Variants in UBAP2L observed in about 807,000 individuals in gnomAD.
UBAP2L encodes the protein ubiquitin-associated protein 2-like.
A neutral mutation model predicts 130.6 loss-of-function variants in UBAP2L; 12 were observed. The ratio of observed to expected loss-of-function variants is 0.09; its 90% CI spans 0.06 to 0.15. UBAP2L has a LOEUF of 0.15. UBAP2L is among the 10% of genes least tolerant of loss of function. The pLI, the probability that UBAP2L is intolerant of heterozygous loss-of-function variation, is 1.00. For missense variants in UBAP2L, 965 were observed against 1,332.5 expected (o/e 0.72, Z 4.29); for synonymous variants, 503 against 524.7 (o/e 0.96, Z 0.57).
At chr1:154,220,173 G>T (rs1418713284), upstream of UBAP2L, 1 of 871,186 alleles carries the variant, frequency 1.1e-6, no homozygotes, top group African/African-American at 1.7e-5. Context: ...AACGAGGGCG[G>T]GTCGGCCCGA....
At chr1:154,270,927 T>C, downstream of UBAP2L, 1 of 1,550,534 alleles carries the variant, frequency 6.4e-7, no homozygotes, top group Non-Finnish European at 8.7e-7. Context: ...TAAGTATTAC[T>C]GTACCAACTG....
chr1:154,255,995 C>T (rs1679507945), intron 18 of UBAP2L, among the ~76,000 whole-genome samples: 1 of 152,118 alleles, frequency 6.6e-6, no homozygotes, highest in African/African-American at 2.4e-5. Context: ...TTTTTTTCCC[C>T]TACTGAATAT....
intron 22 of UBAP2L, among the ~76,000 whole-genome samples, chr1:154,260,278 TG>T (rs1681094441): frequency 6.6e-6 from 1 of 152,158 alleles, no homozygotes. Context: ...GAGGCCAAGG[TG>T]GGAGAATTGC....
intron 19 of UBAP2L, 30 bp from the exon 20 acceptor site, chr1:154,257,316 G>C (rs1433792096): frequency 3.1e-6 from 5 of 1,614,206 alleles, no homozygotes. Context: ...GTAATTGTGT[G>C]ATGGGATAAA....
At chr1:154,264,637 T>C (rs1010535845) in intron 24 of UBAP2L, among the ~76,000 whole-genome samples, 5 of 152,224 alleles carry the variant, frequency 3.3e-5, no homozygotes, top group Admixed American at 1.3e-4. Context: ...AGGGGCACAC[T>C]GGAGCTGAAT....
At chr1:154,271,002 C>T (rs1157825683), downstream of UBAP2L, 4 of 1,492,512 alleles carry the variant, frequency 2.7e-6, no homozygotes, top group African/African-American at 2.8e-5. Context: ...TTAAGAACTC[C>T]TGACCTTAAT....
Position 154,243,321 on chromosome 1 carries a change from T to C in UBAP2L, c.842+19T>C. 1 of 1,607,686 alleles carries C rather than the reference T, an allele frequency of 6.2e-7. No individual in the cohort carries two copies. Among genetic ancestry groups the C allele is most frequent in the Middle Eastern group, 1.7e-4 (1 of 6,020 alleles). ...GTCAGAGGCAAGTGTGCAGTAAAAT[T>C]TAGTACCATTTCTTAAACACATCTG... On this transcript the variant is annotated intron_variant, in intron 10 of 26. Transcript: ENST00000428931.
At chr1:154,259,509 T>A (rs1042873080) in intron 21 of UBAP2L, among the ~76,000 whole-genome samples, 3 of 152,164 alleles carry the variant, frequency 2.0e-5, no homozygotes, top group Admixed American at 1.3e-4. Flanking sequence ...TTTCTTTTTT[T>A]AAATCAGAGT....
chr1:154,247,726 C>T (rs1675982977), intron 11 of UBAP2L, among the ~76,000 whole-genome samples: 1 of 149,980 alleles, frequency 6.7e-6, no homozygotes, highest in Non-Finnish European at 1.5e-5. Flanking sequence ...GAAACCCTTT[C>T]TCTAAAAAAA....
chr1:154,248,601 G>A (rs996136901), intron 11 of UBAP2L, among the ~76,000 whole-genome samples: 4 of 152,152 alleles, frequency 2.6e-5, no homozygotes, highest in African/African-American at 9.7e-5. Flanking sequence ...TGGATCACGA[G>A]GTCAGGAGAT....
Position 154,248,617 on chromosome 1 carries a change from C to T in UBAP2L, c.1015-622C>T, listed in dbSNP as rs7524346. 2.0e-5 allele frequency among the ~76,000 whole-genome samples: 3 copies of T among 151,936 alleles called. No individual in the cohort carries two copies. The East Asian group carries it at 5.8e-4, about 30-fold the overall frequency. On this transcript the variant is annotated intron_variant, in intron 11 of 26. Transcript: ENST00000428931. ...GGATCACGAGGTCAGGAGATCGAGA[C>T]CATCCTGGCTAACACAGTGAAACGC...
At chr1:154,235,399 C>T (rs1671302304) in intron 6 of UBAP2L, 108 bp downstream of exon 6, 2 of 603,096 alleles carry the variant, frequency 3.3e-6, no homozygotes, top group Admixed American at 3.3e-5. Flanking sequence ...CTCACCCAGG[C>T]CGGAGTGCAG....
At chr1:154,261,409 A>G (rs1253568828) in intron 23 of UBAP2L, among the ~76,000 whole-genome samples, 183 bp from the exon 24 acceptor site, 1 of 152,114 alleles carries the variant, frequency 6.6e-6, no homozygotes, top group Non-Finnish European at 1.5e-5. Flanking sequence ...CCAAACTACC[A>G]TTTCTTGACT....
Position 154,233,613 on chromosome 1 carries a change from G to A in UBAP2L, c.280-978G>A, listed in dbSNP as rs574589953. Among the ~76,000 whole-genome samples the A allele has an allele frequency of 8.6e-5, 13 of 151,070 alleles. 1 individual carries two copies. The highest frequency in any genetic ancestry group is 1.2e-4 in the African/African-American group (5 of 40,520). On this transcript the variant is annotated intron_variant, in intron 4 of 26. Transcript: ENST00000428931. ...GCTGGGATTACAGGTGTGAGCCACC[G>A]CACCTGGCCACCCAGCCTGATCTTT...
At chr1:154,248,021 G>A (rs1676156454) in intron 11 of UBAP2L, among the ~76,000 whole-genome samples, 1 of 150,992 alleles carries the variant, frequency 6.6e-6, no homozygotes, top group African/African-American at 2.4e-5. Flanking sequence ...AGGCTGGAGT[G>A]CAATGGCGCG....
chr1:154,249,878 A>AAAAAG (rs1676922240), intron 12 of UBAP2L, among the ~76,000 whole-genome samples: 1 of 149,480 alleles, frequency 6.7e-6, no homozygotes. Context: ...AAAAAAAAAA[A>AAAAAG]AAAGAAAAAT....
At chr1:154,250,749 A>G (rs757570736) in intron 12 of UBAP2L, among the ~76,000 whole-genome samples, 9 of 150,648 alleles carry the variant, frequency 6.0e-5, no homozygotes, top group Non-Finnish European at 1.3e-4. Context: ...AGCTACTCTG[A>G]GGCAAGAGAA....
At chr1:154,249,640 T>A (rs1676806437) in intron 12 of UBAP2L, among the ~76,000 whole-genome samples, 1 of 152,118 alleles carries the variant, frequency 6.6e-6, no homozygotes, top group African/African-American at 2.4e-5. Flanking sequence ...TATGTATTTC[T>A]CATCACATTT....
intron 18 of UBAP2L, 84 bp from the exon 19 acceptor site, chr1:154,256,979 A>G (rs975315858): frequency 2.3e-5 from 34 of 1,470,774 alleles, no homozygotes; most frequent in Non-Finnish European, 2.9e-5. Context: ...TAATATATTC[A>G]GCAGGAGGGA....
Sources: gnomAD v4.1 joint callset for allele counts (sites outside exome capture counted in the v4.1 genomes callset) on GRCh38, gnomAD v4.1.1 for gene constraint, MANE v1.5 for transcripts, NCBI Gene and HGNC (gene_info 2026-07-23, HGNC 2026-07-21) for gene names.